The following MYT1L variants were observed in gnomAD, a reference collection of about 807,000 sequenced individuals.
The protein encoded by MYT1L is myelin transcription factor 1-like protein.
A neutral mutation model predicts 126.7 loss-of-function variants in MYT1L; 12 were observed. The ratio of observed to expected loss-of-function variants is 0.09; its 90% confidence interval spans 0.06 to 0.15. MYT1L has a LOEUF of 0.15. MYT1L is among the 10% of genes least tolerant of loss of function. The probability of loss-of-function intolerance (pLI) is 1.00; values close to 1 mark genes in which losing one functional copy is unlikely to be tolerated. For synonymous variants in MYT1L, 541 were observed against 604.2 expected (o/e 0.90, Z 1.53); for missense variants, 979 against 1,585.2 (o/e 0.62, Z 6.49).
At chr2:2,013,608 G>C (rs1156548956) in intron 4 of MYT1L, among the ~76,000 whole-genome samples, 1 of 152,252 alleles carries the variant, frequency 6.6e-6, no homozygotes. Context: ...GTTGATCAGG[G>C]AGTGTCTGCA....
At chr2:2,298,960 C>T (rs975259558) in intron 1 of MYT1L, among the ~76,000 whole-genome samples, 17 of 152,188 alleles carry the variant, frequency 1.1e-4, no homozygotes, top group African/African-American at 3.9e-4. Flanking sequence ...TCAAGTGCTT[C>T]TCCTGCCTCA....
chr2:1,875,443 G>A (rs1360267528), intron 18 of MYT1L, among the ~76,000 whole-genome samples: 1 of 152,204 alleles, frequency 6.6e-6, no homozygotes, highest in Non-Finnish European at 1.5e-5. Context: ...GTTGCTTTAA[G>A]AATACAGAAA....
chr2:2,031,417 GC>G (rs1558794782), intron 4 of MYT1L, among the ~76,000 whole-genome samples: 1 of 147,532 alleles, frequency 6.8e-6, no homozygotes, highest in African/African-American at 2.5e-5. Flanking sequence ...TCATCCTGTG[GC>G]CCAGAGCAGA....
chr2:2,227,808 TTATCAAA>T (rs2094052339), intron 2 of MYT1L, among the ~76,000 whole-genome samples: 1 of 152,208 alleles, frequency 6.6e-6, no homozygotes, highest in Non-Finnish European at 1.5e-5. Context: ...TTTCACTGAA[TTATCAAA>T]AACAGCCGTA....
At chr2:1,853,420 C>T (rs777950830) in intron 18 of MYT1L, among the ~76,000 whole-genome samples, 7 of 152,088 alleles carry the variant, frequency 4.6e-5, no homozygotes, top group East Asian at 1.9e-4. Flanking sequence ...AAAGTTTGAT[C>T]GTAAGACTAT....
At chr2:1,933,693 T>G (rs1228629797) in intron 9 of MYT1L, among the ~76,000 whole-genome samples, 1 of 152,076 alleles carries the variant, frequency 6.6e-6, no homozygotes, top group African/African-American at 2.4e-5. Context: ...TGCACTGAGC[T>G]CAGTGGCAAC....
chr2:2,206,176 C>T (rs1025739966), intron 2 of MYT1L, among the ~76,000 whole-genome samples: 2 of 151,936 alleles, frequency 1.3e-5, no homozygotes, highest in Non-Finnish European at 2.9e-5. Flanking sequence ...TGGGGTTTCA[C>T]CTTGTTGGCC....
intron 2 of MYT1L, among the ~76,000 whole-genome samples, chr2:2,207,344 A>G (rs1179316592): frequency 6.6e-6 from 1 of 152,202 alleles, no homozygotes; most frequent in Non-Finnish European, 1.5e-5. Context: ...CACACTGATT[A>G]GAAGCTGCCT....
Position 2,088,571 on chromosome 2 carries a change from G to A in MYT1L, c.-303-34448C>T, listed in dbSNP as rs562790427. Among the ~76,000 whole-genome samples the A allele has an allele frequency of 1.3e-4, 20 of 152,174 alleles. No individual in the cohort carries two copies. In the South Asian group the frequency reaches 1.7e-3, roughly 13 times the overall value. ...TGAGGCTGATGGAGCCTGTGGGAGC[G>A]GGGCCAGCTGCGTCCAACCTGCACT... On this transcript the variant is annotated intron_variant, in intron 3 of 24. Coordinates refer to ENST00000647738, the MANE Select transcript of MYT1L (RefSeq NM_001303052.2).
intron 18 of MYT1L, among the ~76,000 whole-genome samples, chr2:1,865,651 C>A (rs1237490114): frequency 6.6e-6 from 1 of 151,962 alleles, no homozygotes. Context: ...TGGAGGCTGG[C>A]AGCCTTCTTT....
intron 3 of MYT1L, among the ~76,000 whole-genome samples, chr2:2,086,167 C>T (rs566031534): frequency 6.6e-6 from 1 of 152,170 alleles, no homozygotes. Context: ...TATGGAGGGC[C>T]AGACCTCACA....
At chr2:2,280,649 C>T (rs1008092418) in intron 2 of MYT1L, among the ~76,000 whole-genome samples, 3 of 152,178 alleles carry the variant, frequency 2.0e-5, no homozygotes, top group Admixed American at 6.5e-5. Flanking sequence ...ACATCAACTT[C>T]GTAGGACACG....
At chr2:2,192,409 T>C (rs1428844634) in intron 2 of MYT1L, among the ~76,000 whole-genome samples, 1 of 111,004 alleles carries the variant, frequency 9.0e-6, no homozygotes, top group Non-Finnish European at 1.7e-5. Context: ...GTGTTTCATG[T>C]TAGTTTCATT....
At chr2:2,148,564 C>T (rs1303260968) in intron 3 of MYT1L, among the ~76,000 whole-genome samples, 1 of 152,134 alleles carries the variant, frequency 6.6e-6, no homozygotes, top group Non-Finnish European at 1.5e-5. Flanking sequence ...ATAGGTGTTC[C>T]CTTTAGATCC....
intron 4 of MYT1L, among the ~76,000 whole-genome samples, chr2:2,050,956 T>C (rs898075285): frequency 6.6e-6 from 1 of 152,114 alleles, no homozygotes; most frequent in African/African-American, 2.4e-5. Flanking sequence ...CATCCAACTT[T>C]GGGGGTAGAA....
intron 4 of MYT1L, among the ~76,000 whole-genome samples, chr2:2,003,570 G>T (rs1312949351): frequency 2.0e-5 from 3 of 152,230 alleles, no homozygotes; most frequent in Non-Finnish European, 2.9e-5. Flanking sequence ...AGCCACAGGG[G>T]CTTCTCTCCT....
rs2052959220 is a variant in MYT1L at position 1,917,138 on chromosome 2, G to C, written c.1618+67C>G. The C allele has an allele frequency of 3.2e-6, 5 of 1,554,712 alleles. No individual in the cohort carries two copies. Among genetic ancestry groups the C allele is most frequent in the Non-Finnish European group, 4.4e-6 (5 of 1,139,088 alleles). On this transcript the variant is annotated intron_variant, in intron 11 of 24. Transcript: ENST00000647738. The surrounding 1 kb of genome is among the most constrained non-coding windows in gnomAD (Gnocchi z 5.9). ...GTACAATGGAGATGATGTCAGGTAA[G>C]AGGGATGACAGAGACAGAGTCATGG...
At position 2,224,802 on chromosome 2, in the gene MYT1L, G is replaced by A. The variant is rs1272868405; in HGVS notation, c.-420-51814C>T. 2.0e-5 allele frequency among the ~76,000 whole-genome samples: 3 copies of A among 148,866 alleles called. No individual in the cohort carries two copies. Among genetic ancestry groups the A allele is most frequent in the Non-Finnish European group, 4.4e-5 (3 of 67,576 alleles). Reference sequence around the variant, plus strand: ...CCACTGCACTCCAGCCTGGGCAACAGAGCAAGACTCCGTCTCAAAAGAAAA... The same window carrying A: ...CCACTGCACTCCAGCCTGGGCAACAAAGCAAGACTCCGTCTCAAAAGAAAA... On this transcript the variant is annotated intron_variant, in intron 2 of 24. Transcript: ENST00000647738. This position sits in a 1 kb window ranked among gnomAD's most constrained non-coding sequence, Gnocchi z 4.0.
At chr2:1,893,449 G>C (rs1032543399) in intron 14 of MYT1L, among the ~76,000 whole-genome samples, 1 of 152,144 alleles carries the variant, frequency 6.6e-6, no homozygotes, top group Non-Finnish European at 1.5e-5. Context: ...CCCTGGGACC[G>C]TTGTGAGTGT....
Sources: allele counts gnomAD v4.1 joint callset (sites outside exome capture counted in the v4.1 genomes callset), GRCh38; gene constraint gnomAD v4.1.1; non-coding constraint Gnocchi (gnomAD v3.1); transcripts MANE v1.5; gene names NCBI Gene and HGNC (gene_info 2026-07-23, HGNC 2026-07-21).